Variants in EGFLAM observed in about 807,000 individuals in gnomAD.
EGFLAM encodes pikachurin.
EGFLAM carries 79 observed loss-of-function variants against 113.1 expected under a neutral mutation model. That is an observed-to-expected ratio of 0.70 (90% CI 0.58 to 0.84). The LOEUF (loss-of-function observed/expected upper bound fraction) is 0.84, where lower values mean the gene tolerates loss of function less well. Ranked by LOEUF, EGFLAM falls within the 40% of genes least tolerant of loss-of-function variation. The probability of loss-of-function intolerance (pLI) is 0.00; values close to 1 mark genes in which losing one functional copy is unlikely to be tolerated. For synonymous variants in EGFLAM, 504 were observed against 487.6 expected, an observed-to-expected ratio of 1.03 and a Z score of -0.44; for missense variants, 1,265 against 1,291.6, an observed-to-expected ratio of 0.98 and a Z score of 0.32.
chr5:38,337,373 G>A (rs1739215506), intron 1 of EGFLAM, 147 bp from the exon 2 acceptor site: 5 of 734,758 alleles, frequency 6.8e-6, no homozygotes, highest in Non-Finnish European at 1.1e-5. Context: ...TGAGATAGGT[G>A]TGGTGTATCA....
At chr5:38,391,410 G>GTGTGTGTGTGTGTGTGTGTGTT (rs1554010817) in intron 6 of EGFLAM, among the ~76,000 whole-genome samples, 5 of 151,046 alleles carry the variant, frequency 3.3e-5, no homozygotes, top group African/African-American at 1.2e-4. Flanking sequence ...GTGTGTGTGT[G>GTGTGTGTGTGTGTGTGTGTGTT]TGTGTGTGAT....
At chr5:38,359,079 C>G (rs1331621927) in intron 5 of EGFLAM, among the ~76,000 whole-genome samples, 1 of 152,108 alleles carries the variant, frequency 6.6e-6, no homozygotes, top group Non-Finnish European at 1.5e-5. Flanking sequence ...GAGAAACCTT[C>G]CCCCTTCTGC....
chr5:38,422,100 G>T (rs1409127141), intron 12 of EGFLAM, among the ~76,000 whole-genome samples: 2 of 152,102 alleles, frequency 1.3e-5, no homozygotes, highest in Non-Finnish European at 2.9e-5. Flanking sequence ...GGACAGGGAA[G>T]TTTCTCCTTG....
At chr5:38,413,450 A>G (rs1579895222) in intron 11 of EGFLAM, among the ~76,000 whole-genome samples, 1 of 151,962 alleles carries the variant, frequency 6.6e-6, no homozygotes, top group African/African-American at 2.4e-5. Context: ...TAAGCTGTTC[A>G]TCTACCTTTG....
intron 1 of EGFLAM, among the ~76,000 whole-genome samples, chr5:38,287,291 C>A (rs374207702): frequency 1.2e-4 from 19 of 152,270 alleles, no homozygotes; most frequent in African/African-American, 3.6e-4. Context: ...TGGTTTATGG[C>A]ATATAATGCT....
intron 1 of EGFLAM, among the ~76,000 whole-genome samples, chr5:38,335,858 A>C (rs1739169067): frequency 6.6e-6 from 1 of 152,244 alleles, no homozygotes; most frequent in Non-Finnish European, 1.5e-5. Flanking sequence ...TGAGTTGCAA[A>C]GTATCCTAAC....
intron 1 of EGFLAM, among the ~76,000 whole-genome samples, chr5:38,271,313 C>T (rs1397325459): frequency 6.6e-6 from 1 of 152,162 alleles, no homozygotes; most frequent in Non-Finnish European, 1.5e-5. Context: ...GATGCTATTT[C>T]TATGATGTGT....
At chr5:38,372,829 C>A (rs1487155936) in intron 6 of EGFLAM, among the ~76,000 whole-genome samples, 1 of 152,136 alleles carries the variant, frequency 6.6e-6, no homozygotes, top group East Asian at 1.9e-4. Context: ...GTATTTCAAT[C>A]GTGGTTTTTC....
At chr5:38,443,173 G>A (rs1174903878) in intron 17 of EGFLAM, among the ~76,000 whole-genome samples, 1 of 152,168 alleles carries the variant, frequency 6.6e-6, no homozygotes, top group Non-Finnish European at 1.5e-5. Context: ...GGCTGAGGCA[G>A]GAGAATCACT....
chr5:38,303,652 T>C (rs988697559), intron 1 of EGFLAM, among the ~76,000 whole-genome samples: 1 of 152,192 alleles, frequency 6.6e-6, no homozygotes. Context: ...ATGTCAAAAA[T>C]ATTTTTTTGG....
chr5:38,393,918 T>C (rs1276340486), intron 6 of EGFLAM, among the ~76,000 whole-genome samples: 3 of 152,078 alleles, frequency 2.0e-5, no homozygotes, highest in Non-Finnish European at 4.4e-5. Flanking sequence ...CACAAACTGT[T>C]TGAAAGGTGA....
chr5:38,331,555 C>A (rs1739043007), intron 1 of EGFLAM, among the ~76,000 whole-genome samples: 1 of 152,062 alleles, frequency 6.6e-6, no homozygotes, highest in Non-Finnish European at 1.5e-5. Flanking sequence ...GATGTGGAAA[C>A]TTTGAGGATT....
At chr5:38,370,602 C>T in intron 6 of EGFLAM, 140 bp downstream of exon 6, 1 of 1,139,564 alleles carries the variant, frequency 8.8e-7, no homozygotes, top group Non-Finnish European at 1.2e-6. Flanking sequence ...GTGGTTTTCC[C>T]AGCCCTTTGG....
intron 5 of EGFLAM, among the ~76,000 whole-genome samples, chr5:38,363,982 G>A (rs569908538): frequency 3.3e-5 from 5 of 152,302 alleles, no homozygotes; most frequent in Non-Finnish European, 5.9e-5. Flanking sequence ...AATGGGTGTC[G>A]TTGTGTTCCA....
At chr5:38,365,694 A>G (rs1436131505) in intron 5 of EGFLAM, among the ~76,000 whole-genome samples, 1 of 152,244 alleles carries the variant, frequency 6.6e-6, no homozygotes, top group Non-Finnish European at 1.5e-5. Context: ...AAGGAGAAAC[A>G]TGAATAAGGT....
chr5:38,426,314 C>A (rs946273651), intron 13 of EGFLAM, among the ~76,000 whole-genome samples: 1 of 151,870 alleles, frequency 6.6e-6, no homozygotes, highest in African/African-American at 2.4e-5. Context: ...CTCACACAGG[C>A]AAATAATAAC....
chr5:38,412,526 G>A lies in EGFLAM; in HGVS notation c.1372G>A (p.Ala458Thr). ...CAGGTTTAATTGTGGAACTGGGGTT[G>A]CCATCATCGTAAGTGAGACCAAAAT... ...QFRFNCGTGV[A>T]IIVSETKIKL... The change falls in exon 11 of 22, where the codon GCC (alanine) becomes ACC (threonine). Residue 458 changes from alanine to threonine, a missense_variant. Physicochemically the swap from Ala to Thr is moderately conservative, Grantham distance 58. Coordinates refer to ENST00000322350, the MANE Select transcript of EGFLAM (RefSeq NM_152403.4). 1 of 1,614,148 alleles carries A rather than the reference G, an allele frequency of 6.2e-7. No individual in the cohort carries two copies. Among genetic ancestry groups the A allele is most frequent in the Non-Finnish European group, 8.5e-7 (1 of 1,180,024 alleles).
At chr5:38,312,166 G>T (rs1007875640) in intron 1 of EGFLAM, among the ~76,000 whole-genome samples, 1 of 152,030 alleles carries the variant, frequency 6.6e-6, no homozygotes, top group African/African-American at 2.4e-5. Context: ...AATCTGTCTT[G>T]GTTCAAATCG....
chr5:38,374,523 G>A (rs1176517709), intron 6 of EGFLAM, among the ~76,000 whole-genome samples: 1 of 152,098 alleles, frequency 6.6e-6, no homozygotes, highest in East Asian at 1.9e-4. Flanking sequence ...GGTGGTGTCA[G>A]CCTATCCATC....
Sources: allele counts gnomAD v4.1 joint callset (sites outside exome capture counted in the v4.1 genomes callset), GRCh38; gene constraint gnomAD v4.1.1; transcripts MANE v1.5; gene names NCBI Gene and HGNC (gene_info 2026-07-23, HGNC 2026-07-21).